The following OSBPL1A variants were observed in gnomAD, a reference collection of about 807,000 sequenced individuals.
The protein encoded by OSBPL1A is oxysterol binding protein like 1A, also known as oxysterol-binding protein-related protein 1.
In OSBPL1A, 80 loss-of-function variants were observed where a neutral mutation model predicts 137.1. The observed-to-expected ratio is 0.58, with a 90% confidence interval of 0.49 to 0.70. The LOEUF is 0.70. Among genes scored for constraint, OSBPL1A ranks in the 30% least tolerant of loss-of-function variants. OSBPL1A has a pLI of 0.00. For synonymous variants in OSBPL1A, 365 were observed against 389.7 expected (o/e 0.94, Z 0.75); for missense variants, 970 against 1,129.4 (o/e 0.86, Z 2.02).
chr18:24,201,934 A>T (rs377164821), intron 17 of OSBPL1A, among the ~76,000 whole-genome samples: 3 of 152,282 alleles, frequency 2.0e-5, no homozygotes, highest in African/African-American at 7.2e-5. Flanking sequence ...GCCCTCTGAA[A>T]AAAAGAACAA....
At chr18:24,344,054 A>C (rs968760875) in intron 4 of OSBPL1A, among the ~76,000 whole-genome samples, 1 of 152,234 alleles carries the variant, frequency 6.6e-6, no homozygotes, top group Non-Finnish European at 1.5e-5. Context: ...TGTATCTAAC[A>C]AGGGATTTAT....
intron 11 of OSBPL1A, among the ~76,000 whole-genome samples, 194 bp downstream of exon 11, chr18:24,316,955 A>G (rs1002602826): frequency 2.0e-5 from 3 of 152,228 alleles, no homozygotes; most frequent in African/African-American, 4.8e-5. Context: ...ATAAAAGTTA[A>G]CTATATTTTA....
intron 1 of OSBPL1A, 96 bp from the exon 2 acceptor site, chr18:24,377,631 T>G: frequency 1.6e-6 from 2 of 1,256,118 alleles, no homozygotes; most frequent in Non-Finnish European, 2.1e-6. Context: ...AATCCTCATT[T>G]TGCAGCTGAT....
At position 24,333,092 on chromosome 18, in the gene OSBPL1A, A is replaced by C; in HGVS notation, c.481-6T>G. On this transcript the variant is annotated splice_polypyrimidine_tract_variant and splice_region_variant and intron_variant, in intron 6 of 27. Coordinates refer to ENST00000319481, the MANE Select transcript of OSBPL1A (RefSeq NM_080597.4). ...GGAGGATTGGGCCTGTTGAGCTAAC[A>C]ATTAAAAAAATGCAATGCAGAATTA... The C allele has an allele frequency of 6.2e-7, 1 of 1,612,596 alleles. No individual in the cohort carries two copies. Among genetic ancestry groups the C allele is most frequent in the South Asian group, 1.1e-5 (1 of 90,930 alleles).
At chr18:24,352,087 C>G (rs977583762) in intron 4 of OSBPL1A, among the ~76,000 whole-genome samples, 1 of 152,138 alleles carries the variant, frequency 6.6e-6, no homozygotes, top group Non-Finnish European at 1.5e-5. Context: ...GCAGGGATCA[C>G]TTGAGCCCAG....
chr18:24,204,845 T>A lies in OSBPL1A; in HGVS notation c.1602-8645A>T, dbSNP rs552395887. 2.0e-5 allele frequency among the ~76,000 whole-genome samples: 3 copies of A among 152,308 alleles called. No homozygotes were observed. The East Asian group carries it at 5.8e-4, about 29-fold the overall frequency. ...GGAATCTTAATAGTCTATATTTTTA[T>A]TTAGCTTCATTCCAGCTTCTATCTC... is the stretch of plus-strand genomic sequence containing the variant. On this transcript the variant is annotated intron_variant, in intron 17 of 27. Transcript: ENST00000319481.
At chr18:24,202,300 G>A (rs1028459631) in intron 17 of OSBPL1A, among the ~76,000 whole-genome samples, 2 of 152,186 alleles carry the variant, frequency 1.3e-5, no homozygotes, top group African/African-American at 4.8e-5. Context: ...AAATGCCTAG[G>A]ACAATTAAGG....
rs749958538 is a variant in OSBPL1A, at chr18:24,367,005, A to G, written c.208-39T>C. Reference sequence around the variant, plus strand: ...CCACTTTAAATACCAAGAAATATACAATGGTGAAAATCATTCCTTCAAAAT... The same window carrying G: ...CCACTTTAAATACCAAGAAATATACGATGGTGAAAATCATTCCTTCAAAAT... On this transcript the variant is annotated intron_variant, in intron 3 of 27. Coordinates refer to ENST00000319481, the MANE Select transcript of OSBPL1A (RefSeq NM_080597.4). The G allele has an allele frequency of 5.3e-6, 8 of 1,520,836 alleles. No homozygotes were observed. In the Middle Eastern group the frequency reaches 5.2e-4, roughly 98 times the overall value. The allele number at this position is 1,520,836 out of a possible 1,614,324, so 94.2% of individuals were successfully genotyped here. A position where few individuals can be genotyped will look rare whatever the true frequency, so the allele number is the denominator to read the frequency against.
Position 24,319,389 on chromosome 18 carries a change from C to G in OSBPL1A, c.626-580G>C, listed in dbSNP as rs80172248. The stretch of plus-strand genomic sequence containing the variant: ...CCTCATCTCAAGATACCTAACTAAT[C>G]ACAAATTTGGGGTCCACTCTTTAGC... On this transcript the variant is annotated intron_variant, in intron 7 of 27. Coordinates refer to ENST00000319481, the MANE Select transcript of OSBPL1A (RefSeq NM_080597.4). Among the ~76,000 whole-genome samples the G allele has an allele frequency of 9.3e-3, 1,419 of 152,224 alleles. 12 individuals carry two copies. Among genetic ancestry groups the G allele is most frequent in the Non-Finnish European group, 0.011 (759 of 68,018 alleles).
intron 7 of OSBPL1A, among the ~76,000 whole-genome samples, chr18:24,330,690 C>G (rs2091061600): frequency 6.6e-6 from 1 of 152,132 alleles, no homozygotes; most frequent in Non-Finnish European, 1.5e-5. Flanking sequence ...TCCCAAAGTG[C>G]TGGGATTACA....
chr18:24,379,285 C>T (rs953143000), intron 1 of OSBPL1A, among the ~76,000 whole-genome samples: 3 of 151,992 alleles, frequency 2.0e-5, no homozygotes, highest in South Asian at 2.1e-4. Context: ...TTTGAGAGGC[C>T]GAGGCGGGTG....
At chr18:24,196,062 T>C in intron 18 of OSBPL1A, 63 bp downstream of exon 18, 1 of 1,329,598 alleles carries the variant, frequency 7.5e-7, no homozygotes, top group Non-Finnish European at 1.1e-6. Context: ...TTTAGGTTCC[T>C]TTCTAAAGAA....
intron 21 of OSBPL1A, among the ~76,000 whole-genome samples, chr18:24,176,958 C>T (rs1390366924): frequency 6.6e-6 from 1 of 152,242 alleles, no homozygotes; most frequent in African/African-American, 2.4e-5. Flanking sequence ...TCTCTCCCCT[C>T]CGGCTGGCAA....
intron 14 of OSBPL1A, among the ~76,000 whole-genome samples, chr18:24,284,565 A>AC (rs1282509380): frequency 2.6e-5 from 4 of 152,128 alleles, no homozygotes; most frequent in Non-Finnish European, 1.5e-5. Flanking sequence ...GTGGGAAAAC[A>AC]CTTGTTTCTT....
Position 24,196,196 on chromosome 18 carries a change from T to G in OSBPL1A, c.1606A>C (p.Ser536Arg), listed in dbSNP as rs757741514. The change falls in exon 18 of 28, where the codon AGT becomes CGT. Residue 536 changes from serine to arginine, a missense_variant. Transcript: ENST00000319481. ...CTGGAAAACATAGGAGAAGGCAAAC[T>G]TGTTCTGAAAAAAGAAAAGAAAAAC... Reference protein sequence around the residue: ...LSNGIKKHRTSLPSPMFSRND... With the variant: ...LSNGIKKHRTRLPSPMFSRND... 1 of 1,606,556 alleles carries G rather than the reference T, an allele frequency of 6.2e-7. No homozygotes were observed. The highest frequency in any genetic ancestry group is 2.2e-5 in the East Asian group (1 of 44,848).
intron 17 of OSBPL1A, among the ~76,000 whole-genome samples, chr18:24,214,759 A>G (rs1170451385): frequency 6.6e-6 from 1 of 152,220 alleles, no homozygotes; most frequent in African/African-American, 2.4e-5. Context: ...GTTTGGGGAA[A>G]ACTGTGCAAA....
At chr18:24,268,629 T>A (rs1267473305) in intron 15 of OSBPL1A, among the ~76,000 whole-genome samples, 1 of 152,124 alleles carries the variant, frequency 6.6e-6, no homozygotes, top group Non-Finnish European at 1.5e-5. Flanking sequence ...TTACCTGTCC[T>A]CTGGGCAGCT....
At chr18:24,340,642 T>C (rs534716007) in intron 5 of OSBPL1A, among the ~76,000 whole-genome samples, 1 of 152,210 alleles carries the variant, frequency 6.6e-6, no homozygotes, top group South Asian at 2.1e-4. Context: ...CCGTCTCTAC[T>C]AAAAATACAA....
chr18:24,326,128 T>C (rs1013499668), intron 7 of OSBPL1A, among the ~76,000 whole-genome samples: 1 of 152,176 alleles, frequency 6.6e-6, no homozygotes, highest in Non-Finnish European at 1.5e-5. Context: ...TACAGAATTG[T>C]TCTTATCACT....
Sources: allele counts gnomAD v4.1 joint callset (sites outside exome capture counted in the v4.1 genomes callset), GRCh38; gene constraint gnomAD v4.1.1; transcripts MANE v1.5; gene names NCBI Gene and HGNC (gene_info 2026-07-23, HGNC 2026-07-21).